SLC35F4: variants seen among roughly 807,000 people sequenced by gnomAD.
SLC35F4 encodes the protein solute carrier family 35 member F4.
Under a neutral mutation model 44.2 loss-of-function variants are expected in SLC35F4, and 24 were observed. The ratio of observed to expected loss-of-function variants is 0.54; its 90% CI spans 0.39 to 0.76. The LOEUF is 0.76. Ranked by LOEUF, SLC35F4 falls within the 30% of genes least tolerant of loss-of-function variation. SLC35F4 has a pLI of 0.00. For synonymous variants in SLC35F4, 238 were observed against 223.6 expected (o/e 1.06, Z -0.57); for missense variants, 562 against 586.1 (o/e 0.96, Z 0.42).
intron 1 of SLC35F4, among the ~76,000 whole-genome samples, chr14:57,931,672 T>C: frequency 6.6e-6 from 1 of 152,234 alleles, no homozygotes; most frequent in Non-Finnish European, 1.5e-5. Flanking sequence ...TCATCTTGCC[T>C]GGGAGAGCTC....
chr14:57,579,463 GA>G (rs35176149), intron 4 of SLC35F4: 56,926 of 152,008 alleles, frequency 0.37, 11,485 homozygotes, highest in South Asian at 0.49. Flanking sequence ...TGAGGTCCAT[GA>G]GTTAAATGTG....
intron 1 of SLC35F4, among the ~76,000 whole-genome samples, chr14:57,936,336 T>C (rs1374061180): frequency 6.6e-6 from 1 of 152,172 alleles, no homozygotes; most frequent in East Asian, 1.9e-4. Context: ...TATAAACATA[T>C]CGTGACAACC....
chr14:57,744,314 T>C (rs1328658551), intron 1 of SLC35F4, among the ~76,000 whole-genome samples: 1 of 152,162 alleles, frequency 6.6e-6, no homozygotes, highest in Non-Finnish European at 1.5e-5. Flanking sequence ...CATGATTGTA[T>C]ATCTAGAAAA....
At chr14:57,702,331 T>TAAA (rs5808935) in intron 1 of SLC35F4, among the ~76,000 whole-genome samples, 22,806 of 135,534 alleles carry the variant, frequency 0.17, 2,200 homozygotes, top group African/African-American at 0.25. Context: ...TCATTTTCTT[T>TAAA]AAAAAAAAAA....
In SLC35F4 at chr14:57,865,855, G is replaced by T. The variant is rs1273247651; in HGVS notation, c.-30C>A. 2.7e-6 allele frequency: 4 copies of T among 1,461,936 alleles called. No homozygotes were observed. In the East Asian group the frequency reaches 8.3e-5, roughly 30 times the overall value. The allele number at this position is 1,461,936 out of a possible 1,614,324, so 90.6% of individuals were successfully genotyped here. ...AGCGCGGGGCGACGGCCCCGAGTGC[G>T]GCGGGGCGGAGAGCGCAGCGCGGGG... is the stretch of plus-strand genomic sequence containing the variant. On this transcript the variant is annotated 5_prime_UTR_variant, in exon 1 of 8. Transcript: ENST00000556826.
At chr14:57,677,644 G>C (rs2074741930) in intron 1 of SLC35F4, among the ~76,000 whole-genome samples, 1 of 151,840 alleles carries the variant, frequency 6.6e-6, no homozygotes, top group African/African-American at 2.4e-5. Context: ...AACCATAAAA[G>C]GAAACAAATG....
rs2068939583 is a variant in SLC35F4, at chr14:57,578,217, G to A, written c.807+2997C>T. Among the ~76,000 whole-genome samples, 3 of 148,150 alleles carry A rather than the reference G, an allele frequency of 2.0e-5. No individual in the cohort carries two copies. In the Admixed American group the frequency reaches 2.1e-4, roughly 10 times the overall value. On this transcript the variant is annotated intron_variant, in intron 4 of 7. Coordinates refer to ENST00000556826, the MANE Select transcript of SLC35F4 (RefSeq NM_001306087.2). ...AATGTGCTCATTCCTGGGGAGCTAA[G>A]CATATGAAAATTATAATCCAACAAA...
At chr14:57,944,878 G>T (rs186202930) in intron 1 of SLC35F4, among the ~76,000 whole-genome samples, 5 of 152,148 alleles carry the variant, frequency 3.3e-5, no homozygotes, top group Non-Finnish European at 7.4e-5. Context: ...AATCACAAAA[G>T]GCTGCAAAAA....
chr14:57,574,935 C>T (rs919365707), intron 4 of SLC35F4, among the ~76,000 whole-genome samples: 3 of 152,154 alleles, frequency 2.0e-5, no homozygotes, highest in African/African-American at 7.2e-5. Context: ...CTCTTCTTGG[C>T]CTCAGCTTTC....
chr14:57,649,353 C>T (rs548538795), intron 1 of SLC35F4, among the ~76,000 whole-genome samples: 3 of 152,170 alleles, frequency 2.0e-5, no homozygotes, highest in East Asian at 1.9e-4. Flanking sequence ...GGGGAGAACA[C>T]TTTCTTTGCT....
At chr14:57,891,469 C>T (rs1888762234) in intron 1 of SLC35F4, among the ~76,000 whole-genome samples, 1 of 151,952 alleles carries the variant, frequency 6.6e-6, no homozygotes, top group Non-Finnish European at 1.5e-5. Context: ...ATAGCAAGAC[C>T]CCCAAATCTT....
chr14:57,920,356 C>G (rs957287349), intron 1 of SLC35F4, among the ~76,000 whole-genome samples: 2 of 152,194 alleles, frequency 1.3e-5, no homozygotes, highest in Non-Finnish European at 2.9e-5. Context: ...AGGAGGATCA[C>G]TTGAGCCCAG....
intron 1 of SLC35F4, among the ~76,000 whole-genome samples, chr14:57,874,015 G>A (rs1316843138): frequency 6.6e-6 from 1 of 152,130 alleles, no homozygotes; most frequent in Non-Finnish European, 1.5e-5. Flanking sequence ...GCCCTAAAAT[G>A]TTTACATTCT....
At chr14:57,875,842 C>T (rs777481166) in intron 1 of SLC35F4, among the ~76,000 whole-genome samples, 225 of 152,134 alleles carry the variant, frequency 1.5e-3, no homozygotes, top group Non-Finnish European at 2.5e-3. Context: ...TTGGATTCTG[C>T]TACATCCAAC....
chr14:57,916,191 T>C (rs922082027), intron 1 of SLC35F4, among the ~76,000 whole-genome samples: 2 of 152,154 alleles, frequency 1.3e-5, no homozygotes, highest in African/African-American at 4.8e-5. Flanking sequence ...AAAAGGGGGC[T>C]GAACTCATTT....
At chr14:57,759,961 T>C (rs138795634) in intron 1 of SLC35F4, among the ~76,000 whole-genome samples, 1 of 152,084 alleles carries the variant, frequency 6.6e-6, no homozygotes. Flanking sequence ...TTATCAGATA[T>C]ATGACTTGCA....
At chr14:57,926,640 C>T (rs1889576303) in intron 1 of SLC35F4, among the ~76,000 whole-genome samples, 1 of 149,108 alleles carries the variant, frequency 6.7e-6, no homozygotes. Context: ...CCCTAATAAA[C>T]CTTACAATTA....
At chr14:57,855,663 A>G (rs1887016332) in intron 1 of SLC35F4, among the ~76,000 whole-genome samples, 1 of 152,210 alleles carries the variant, frequency 6.6e-6, no homozygotes, top group Non-Finnish European at 1.5e-5. Flanking sequence ...TAGAAATACC[A>G]TTTGACCTAG....
rs563323908 is a variant in SLC35F4 at position 57,769,911 on chromosome 14, A to G, written c.103+95812T>C. On this transcript the variant is annotated intron_variant, in intron 1 of 7. Coordinates refer to ENST00000556826, the MANE Select transcript of SLC35F4 (RefSeq NM_001306087.2). ...AGCCTGAGGGTGAGCATTTTTTGAA[A>G]AAGAGTGGTCATATTTTCAATATTT... Among the ~76,000 whole-genome samples, 8 of 152,278 alleles carry G rather than the reference A, an allele frequency of 5.3e-5. No homozygotes were observed. The South Asian group carries it at 1.7e-3, about 32-fold the overall frequency.
Sources: allele counts gnomAD v4.1 joint callset (sites outside exome capture counted in the v4.1 genomes callset), GRCh38; gene constraint gnomAD v4.1.1; transcripts MANE v1.5; gene names NCBI Gene and HGNC (gene_info 2026-07-23, HGNC 2026-07-21).